NAALADL2: variants seen among roughly 807,000 people sequenced by gnomAD.
NAALADL2 encodes the protein inactive N-acetylated-alpha-linked acidic dipeptidase-like protein 2.
A neutral mutation model predicts 87.2 loss-of-function variants in NAALADL2; 76 were observed. The ratio of observed to expected loss-of-function variants is 0.87; its 90% CI spans 0.72 to 1.05. The LOEUF is 1.05. NAALADL2 is among the 50% of genes least tolerant of loss of function. The pLI is 0.00. For missense variants in NAALADL2, 1,089 were observed against 945.8 expected (o/e 1.15, Z -1.99); for synonymous variants, 354 against 331.0 (o/e 1.07, Z -0.75).
At chr3:175,030,207 G>A (rs1375259705) in intron 1 of NAALADL2, among the ~76,000 whole-genome samples, 1 of 152,006 alleles carries the variant, frequency 6.6e-6, no homozygotes, top group African/African-American at 2.4e-5. Flanking sequence ...TTAATAAGAT[G>A]TTTGCTGCTA....
chr3:175,133,157 A>T (rs1728460332), intron 2 of NAALADL2, among the ~76,000 whole-genome samples: 1 of 148,552 alleles, frequency 6.7e-6, no homozygotes, highest in Non-Finnish European at 1.5e-5. Context: ...CACTTCCTAG[A>T]TGGGATGGCC....
At chr3:175,426,705 A>T (rs1033146595) in intron 5 of NAALADL2, among the ~76,000 whole-genome samples, 1 of 95,900 alleles carries the variant, frequency 1.0e-5, no homozygotes, top group Non-Finnish European at 2.4e-5. Context: ...AAAAATTCTA[A>T]TATAATAAAC....
rs867951185 is a variant in NAALADL2, at chr3:175,733,514, G to A, written c.1897-3792G>A. On this transcript the variant is annotated intron_variant, in intron 11 of 13. Coordinates refer to ENST00000454872, the MANE Select transcript of NAALADL2 (RefSeq NM_207015.3). ...CTTCCCACAACATGTGGAATTATGG[G>A]AGCTACAAGATGAGATTTGGGTGGG... Among the ~76,000 whole-genome samples the A allele has an allele frequency of 2.6e-5, 4 of 152,234 alleles. 1 individual carries two copies. The South Asian group carries it at 8.3e-4, about 32-fold the overall frequency.
intron 3 of NAALADL2, among the ~76,000 whole-genome samples, chr3:175,236,311 C>T (rs1309363339): frequency 6.6e-6 from 1 of 151,856 alleles, no homozygotes; most frequent in Non-Finnish European, 1.5e-5. Context: ...CATTGGAGGC[C>T]GAGGCGGGTG....
At chr3:174,832,888 C>T (rs1474385453) in intron 3 of NAALADL2, among the ~76,000 whole-genome samples, 1 of 152,058 alleles carries the variant, frequency 6.6e-6, no homozygotes, top group African/African-American at 2.4e-5. Context: ...TAAAGTCCAA[C>T]AAAAAAGATG....
intron 3 of NAALADL2, among the ~76,000 whole-genome samples, chr3:174,840,070 A>G (rs1723842691): frequency 6.6e-6 from 1 of 151,894 alleles, no homozygotes; most frequent in Non-Finnish European, 1.5e-5. Context: ...ATAGCAGCAC[A>G]ATTCGTAATT....
At chr3:175,221,915 C>G (rs934940118) in intron 2 of NAALADL2, among the ~76,000 whole-genome samples, 2 of 152,012 alleles carry the variant, frequency 1.3e-5, no homozygotes, top group Non-Finnish European at 2.9e-5. Flanking sequence ...GCTGGAACTA[C>G]TGGTGCTCAC....
intron 9 of NAALADL2, among the ~76,000 whole-genome samples, chr3:175,474,151 G>GA (rs1200820298): frequency 6.6e-6 from 1 of 151,914 alleles, no homozygotes; most frequent in East Asian, 1.9e-4. Context: ...TTTTTCTGAT[G>GA]ATTTGTGAAA....
chr3:174,765,816 G>T (rs1257706868), intron 3 of NAALADL2, among the ~76,000 whole-genome samples: 1 of 152,148 alleles, frequency 6.6e-6, no homozygotes, highest in Admixed American at 6.6e-5. Context: ...TACAACAGCT[G>T]CCTGTCAAAA....
chr3:174,595,596 C>A (rs1717811130), intron 2 of NAALADL2, among the ~76,000 whole-genome samples: 2 of 152,292 alleles, frequency 1.3e-5, no homozygotes, highest in East Asian at 3.9e-4. Context: ...TTTCTGCATG[C>A]TCTCCCTTTT....
intron 5 of NAALADL2, among the ~76,000 whole-genome samples, chr3:175,348,298 G>A (rs183456799): frequency 7.8e-4 from 119 of 152,134 alleles, no homozygotes; most frequent in African/African-American, 2.2e-4. Context: ...TGATCTGCCC[G>A]CCTCGGCCTC....
At chr3:174,899,291 G>C (rs1333429112) in intron 1 of NAALADL2, among the ~76,000 whole-genome samples, 1 of 152,122 alleles carries the variant, frequency 6.6e-6, no homozygotes, top group African/African-American at 2.4e-5. Flanking sequence ...GAAAGGATAA[G>C]AGATAATTAT....
intron 3 of NAALADL2, among the ~76,000 whole-genome samples, chr3:174,781,683 A>C (rs996302367): frequency 6.6e-6 from 1 of 151,958 alleles, no homozygotes; most frequent in African/African-American, 2.4e-5. Flanking sequence ...AAGAGAAATA[A>C]ATCAGATAGG....
intron 2 of NAALADL2, among the ~76,000 whole-genome samples, chr3:174,642,749 C>CATATATATATATATATAT (rs71624288): frequency 1.8e-4 from 24 of 130,292 alleles, no homozygotes; most frequent in African/African-American, 6.2e-4. Context: ...TGAAAAAAAA[C>CATATATATATATATATAT]ATATATATAT....
chr3:175,459,738 C>T (rs116242570), intron 6 of NAALADL2, among the ~76,000 whole-genome samples: 174 of 152,164 alleles, frequency 1.1e-3, no homozygotes, highest in African/African-American at 4.0e-3. Flanking sequence ...GAGACATACC[C>T]CAGAGTGCAG....
At position 174,861,200 on chromosome 3, in the gene NAALADL2, T is replaced by A. The variant is rs552227985; in HGVS notation, c.43+1750T>A. ...TTGGTAGGTCTGTAAATATTTCAGA[T>A]CTATCTTCTTGGAGTATTGAAGTGC... On this transcript the variant is annotated intron_variant, in intron 1 of 13. Coordinates refer to ENST00000454872, the MANE Select transcript of NAALADL2 (RefSeq NM_207015.3). Among the ~76,000 whole-genome samples, 194 of 152,206 alleles carry A rather than the reference T, an allele frequency of 1.3e-3. 1 individual carries two copies. The highest frequency in any genetic ancestry group is 4.5e-3 in the African/African-American group (188 of 41,554).
At chr3:174,597,917 T>G (rs1718073371) in intron 2 of NAALADL2, among the ~76,000 whole-genome samples, 3 of 152,174 alleles carry the variant, frequency 2.0e-5, no homozygotes, top group Admixed American at 1.3e-4. Flanking sequence ...ACTCAACAAT[T>G]TAAGTTTTCT....
chr3:175,783,735 C>T (rs898152235), intron 13 of NAALADL2, among the ~76,000 whole-genome samples: 1 of 151,056 alleles, frequency 6.6e-6, no homozygotes, highest in African/African-American at 2.5e-5. Flanking sequence ...ACTTCCAACA[C>T]TATGTTGAAT....
At position 175,705,350 on chromosome 3, in the gene NAALADL2, A is replaced by AT. The variant is rs554828769; in HGVS notation, c.1897-31948dup. ...TCTGCTGCAATATATGACTAGTTGG[A>AT]TTTTTTTTAATCAAAGTATTAAATC... On this transcript the variant is annotated intron_variant, in intron 11 of 13. Coordinates refer to ENST00000454872, the MANE Select transcript of NAALADL2 (RefSeq NM_207015.3). Among the ~76,000 whole-genome samples, 8 of 152,138 alleles carry AT rather than the reference A, an allele frequency of 5.3e-5. No homozygotes were observed. The East Asian group carries it at 5.8e-4, about 11-fold the overall frequency.
Sources: allele counts gnomAD v4.1 joint callset (sites outside exome capture counted in the v4.1 genomes callset), GRCh38; gene constraint gnomAD v4.1.1; transcripts MANE v1.5; gene names NCBI Gene and HGNC (gene_info 2026-07-23, HGNC 2026-07-21).